Variants in LARP4 observed in about 807,000 individuals in gnomAD.
The protein encoded by LARP4 is la-related protein 4.
Under a neutral mutation model 92.9 loss-of-function variants are expected in LARP4, and 29 were observed. The observed-to-expected ratio is 0.31, with a 90% CI of 0.23 to 0.43. The LOEUF (loss-of-function observed/expected upper bound fraction) is 0.43. LARP4 is among the 20% of genes least tolerant of loss of function. The pLI is 1.00. For synonymous variants in LARP4, 279 were observed against 284.1 expected, an observed-to-expected ratio of 0.98 and a Z score of 0.18; for missense variants, 732 against 860.0, an observed-to-expected ratio of 0.85 and a Z score of 1.86.
intron 10 of LARP4, among the ~76,000 whole-genome samples, chr12:50,459,749 G>A (rs919640885): frequency 2.7e-5 from 4 of 150,092 alleles, no homozygotes; most frequent in Non-Finnish European, 2.9e-5. Flanking sequence ...TCTTGAACCC[G>A]GGAGGCGGAG....
chr12:50,426,985 G>A (rs1390222617), intron 1 of LARP4, among the ~76,000 whole-genome samples: 2 of 151,960 alleles, frequency 1.3e-5, no homozygotes, highest in Non-Finnish European at 2.9e-5. Flanking sequence ...TGATCCGCCC[G>A]CCTTGGCCTC....
At chr12:50,411,099 T>C (rs1475659977) in intron 1 of LARP4, among the ~76,000 whole-genome samples, 1 of 152,134 alleles carries the variant, frequency 6.6e-6, no homozygotes, top group Non-Finnish European at 1.5e-5. Context: ...AGTAGTAAGC[T>C]CCTTTTAACC....
chr12:50,454,551 G>A (rs1953870617), intron 10 of LARP4, 134 bp downstream of exon 10: 1 of 594,446 alleles, frequency 1.7e-6, no homozygotes, highest in Non-Finnish European at 2.8e-6. Context: ...TTTACTAAGT[G>A]TATATGAACA....
At chr12:50,403,103 C>A (rs1257409467) in intron 1 of LARP4, among the ~76,000 whole-genome samples, 1 of 152,170 alleles carries the variant, frequency 6.6e-6, no homozygotes, top group African/African-American at 2.4e-5. Context: ...TGTCTAAGGT[C>A]ATTCAAGTGT....
Position 50,475,644 on chromosome 12 carries a change from AAGACAATGG to A in LARP4, c.1958_1966del (p.Asp653_Gly655del). On this transcript the variant is annotated inframe_deletion, in exon 16 of 16. Transcript: ENST00000398473. The stretch of plus-strand genomic sequence containing the variant: ...AATGTGGTGTCTCCCACCAAAAATG[AAGACAATGG>A]AGCTCCTGAGAACTCCGTTGAGAAA... 6.2e-7 allele frequency: 1 copy of A among 1,614,186 alleles called. No homozygotes were observed. The highest frequency in any genetic ancestry group is 8.5e-7 in the Non-Finnish European group (1 of 1,180,028).
In LARP4 at chr12:50,435,602, T is replaced by G. The variant is rs989389169; in HGVS notation, c.513T>G (p.Asp171Glu). ...TAAAAAAGTTGACTACAGACCCTGA[T>G]CTAATTCTTGAAGTGTTAAGATGTA... The part of the protein sequence containing the change: ...EEIKKLTTDP[D>E]LILEVLRSSP... Residue 171 changes from aspartate (D) to glutamate (E), a missense_variant, in exon 5 of 16, where the codon GAT becomes GAG. Asp to Glu is a conservative substitution (Grantham distance 45, BLOSUM62 2). This residue lies in a region of LARP4 where 236 missense variants were observed against 307.6 expected (regional missense o/e 0.77). Transcript: ENST00000398473. The G allele has an allele frequency of 6.2e-7, 1 of 1,604,506 alleles. No individual in the cohort carries two copies. Among genetic ancestry groups the G allele is most frequent in the East Asian group, 2.2e-5 (1 of 44,804 alleles).
chr12:50,449,368 T>C (rs1051874838), intron 8 of LARP4, among the ~76,000 whole-genome samples: 1 of 152,210 alleles, frequency 6.6e-6, no homozygotes, highest in Non-Finnish European at 1.5e-5. Context: ...GAATATAGAT[T>C]TTGCTGCCTT....
At chr12:50,453,832 C>T (rs1953718148) in intron 9 of LARP4, among the ~76,000 whole-genome samples, 160 bp downstream of exon 9, 1 of 151,606 alleles carries the variant, frequency 6.6e-6, no homozygotes, top group Non-Finnish European at 1.5e-5. Context: ...GGAATTTTGC[C>T]ATGTTGCCCA....
intron 4 of LARP4, among the ~76,000 whole-genome samples, chr12:50,434,344 ATCT>A: frequency 6.6e-6 from 1 of 151,654 alleles, no homozygotes; most frequent in East Asian, 1.9e-4. Context: ...AAGTGTTTGC[ATCT>A]TCTTTTTTTA....
At chr12:50,407,774 G>C (rs920736168) in intron 1 of LARP4, among the ~76,000 whole-genome samples, 10 of 152,108 alleles carry the variant, frequency 6.6e-5, no homozygotes, top group African/African-American at 2.2e-4. Context: ...AGTGAGCCGA[G>C]ATCATGTCAC....
intron 1 of LARP4, among the ~76,000 whole-genome samples, chr12:50,410,776 T>G (rs1276291001): frequency 6.6e-6 from 1 of 152,116 alleles, no homozygotes; most frequent in Non-Finnish European, 1.5e-5. Context: ...TTTGTAACTT[T>G]GATTATATTT....
intron 8 of LARP4, among the ~76,000 whole-genome samples, chr12:50,448,279 A>G (rs1329738005): frequency 2.0e-5 from 3 of 152,116 alleles, no homozygotes; most frequent in African/African-American, 7.2e-5. Context: ...TTAAGTGTAC[A>G]GTTTAGTGCT....
chr12:50,440,930 CTGGAGTGCAGTGGCGCAATCTCGGCTCA>C (rs1951108148), intron 7 of LARP4, among the ~76,000 whole-genome samples: 1 of 150,354 alleles, frequency 6.7e-6, no homozygotes, highest in South Asian at 2.1e-4. Context: ...GTCGCCCGGG[CTGGAGTGCAGTGGCGCAATCTCGGCTCA>C]CTGCAACCTC....
At chr12:50,436,667 G>T (rs557549767) in intron 5 of LARP4, among the ~76,000 whole-genome samples, 20 of 152,260 alleles carry the variant, frequency 1.3e-4, no homozygotes, top group African/African-American at 4.8e-4. Flanking sequence ...GCTGGATTTT[G>T]TGTCTTGTAT....
At chr12:50,415,945 G>A (rs1468257817) in intron 1 of LARP4, 2 of 151,842 alleles carry the variant, frequency 1.3e-5, no homozygotes, top group African/African-American at 4.8e-5. Context: ...AAGCTCAAGT[G>A]ATCCACTCAC....
intron 8 of LARP4, among the ~76,000 whole-genome samples, chr12:50,450,781 A>ATGGCG (rs1237880179): frequency 1.3e-5 from 2 of 152,138 alleles, no homozygotes; most frequent in Non-Finnish European, 2.9e-5. Flanking sequence ...GATTACAGGC[A>ATGGCG]TGAGCCATTG....
chr12:50,441,115 C>T (rs999000439), intron 7 of LARP4, among the ~76,000 whole-genome samples: 2 of 152,066 alleles, frequency 1.3e-5, no homozygotes, highest in African/African-American at 2.4e-5. Context: ...AAACTCCTGA[C>T]CTCGTGATTC....
chr12:50,421,811 C>T (rs1405926593), intron 1 of LARP4, among the ~76,000 whole-genome samples: 3 of 152,106 alleles, frequency 2.0e-5, no homozygotes, highest in African/African-American at 7.2e-5. Context: ...GAGTTGTAAT[C>T]ATTGTGTGGT....
At chr12:50,442,111 A>T (rs981403373) in intron 8 of LARP4, among the ~76,000 whole-genome samples, 1 of 152,216 alleles carries the variant, frequency 6.6e-6, no homozygotes, top group African/African-American at 2.4e-5. Flanking sequence ...ATCCTTTGAT[A>T]AGCCATAAAA....
Sources: gnomAD v4.1 joint callset for allele counts (sites outside exome capture counted in the v4.1 genomes callset) on GRCh38, gnomAD v4.1.1 for gene constraint, gnomAD v4.1.1 regional missense constraint, MANE v1.5 for transcripts, NCBI Gene and HGNC (gene_info 2026-07-23, HGNC 2026-07-21) for gene names.